The following ITGA8 variants were observed in gnomAD, a reference collection of about 807,000 sequenced individuals.
The protein encoded by ITGA8 is integrin subunit alpha 8, also known as integrin alpha-8.
ITGA8 carries 91 observed loss-of-function variants against 142.3 expected under a neutral mutation model. The observed-to-expected ratio is 0.64, with a 90% CI of 0.54 to 0.76. The LOEUF (loss-of-function observed/expected upper bound fraction) is 0.76. Among genes scored for constraint, ITGA8 ranks in the 30% least tolerant of loss-of-function variants. The probability of loss-of-function intolerance (pLI) is 0.00; values close to 1 mark genes in which losing one functional copy is unlikely to be tolerated. For synonymous variants in ITGA8, 505 were observed against 485.2 expected (o/e 1.04, Z -0.54); for missense variants, 1,406 against 1,327.7 (o/e 1.06, Z -0.92).
At chr10:15,551,560 G>T (rs2131560664) in intron 26 of ITGA8, among the ~76,000 whole-genome samples, 1 of 152,046 alleles carries the variant, frequency 6.6e-6, no homozygotes, top group East Asian at 1.9e-4. Flanking sequence ...AATAGCAGGG[G>T]CCCACTATGA....
chr10:15,719,362 A>G (rs1835514582), intron 1 of ITGA8, among the ~76,000 whole-genome samples: 1 of 152,136 alleles, frequency 6.6e-6, no homozygotes, highest in South Asian at 2.1e-4. Flanking sequence ...TGCAAGTGGC[A>G]TGTCTCTAGC....
chr10:15,695,678 G>A (rs1251105879), intron 2 of ITGA8, among the ~76,000 whole-genome samples: 1 of 152,204 alleles, frequency 6.6e-6, no homozygotes, highest in African/African-American at 2.4e-5. Flanking sequence ...GGCAAGGACT[G>A]AAAGTATGGA....
chr10:15,528,584 A>C (rs1246350202), intron 28 of ITGA8, among the ~76,000 whole-genome samples: 11 of 137,768 alleles, frequency 8.0e-5, no homozygotes, highest in Non-Finnish European at 1.5e-4. Flanking sequence ...TATTTTGTGG[A>C]TCTTTTGAGA....
chr10:15,715,782 C>T (rs563014437), intron 2 of ITGA8, among the ~76,000 whole-genome samples: 5 of 152,348 alleles, frequency 3.3e-5, no homozygotes, highest in Admixed American at 1.3e-4. Flanking sequence ...GAAATAGCTA[C>T]ACTGGCATCT....
chr10:15,692,643 C>T (rs2131714419), intron 2 of ITGA8, among the ~76,000 whole-genome samples: 1 of 152,324 alleles, frequency 6.6e-6, no homozygotes, highest in South Asian at 2.1e-4. Context: ...AACTCAGTAA[C>T]ACATGTCTAC....
intron 25 of ITGA8, among the ~76,000 whole-genome samples, chr10:15,565,206 A>G (rs1834056155): frequency 6.6e-6 from 1 of 152,218 alleles, no homozygotes; most frequent in African/African-American, 2.4e-5. Context: ...TAGCATTCCC[A>G]TAAGAAAGAG....
intron 25 of ITGA8, among the ~76,000 whole-genome samples, chr10:15,559,501 G>A (rs1415859895): frequency 1.3e-5 from 2 of 152,286 alleles, no homozygotes; most frequent in South Asian, 2.1e-4. Context: ...AGCTAAGGCA[G>A]GGAGATCAGA....
chr10:15,517,213 T>G lies in ITGA8; in HGVS notation c.3137A>C (p.Gln1046Pro). 1 of 1,613,486 alleles carries G rather than the reference T, an allele frequency of 6.2e-7. No individual in the cohort carries two copies. The highest frequency in any genetic ancestry group is 8.5e-7 in the Non-Finnish European group (1 of 1,179,568). The change falls in exon 30 of 30, where the codon CAG becomes CCG. Residue 1046 changes from glutamine to proline, a missense_variant. Gln to Pro is a moderately conservative substitution (Grantham distance 76). Coordinates refer to ENST00000378076, the MANE Select transcript of ITGA8 (RefSeq NM_003638.3). ...CGFFDRARPP[Q>P]EDMTDREQLT... ...CTGTTCCCTGTCGGTCATGTCCTCC[T>G]GAGGAGGTCTGGCTCTGTCAAAGAA...
At chr10:15,657,533 A>G (rs1408102530) in intron 10 of ITGA8, among the ~76,000 whole-genome samples, 1 of 30,806 alleles carries the variant, frequency 3.2e-5, no homozygotes, top group Non-Finnish European at 8.5e-5. Flanking sequence ...TTTTTTTTTA[A>G]CAGAGACAGT....
intron 27 of ITGA8, among the ~76,000 whole-genome samples, chr10:15,535,903 G>C (rs557620013): frequency 4.6e-5 from 7 of 152,040 alleles, no homozygotes; most frequent in African/African-American, 1.7e-4. Context: ...CACCTCGAAG[G>C]TCTGCAGCTT....
chr10:15,621,072 T>C (rs538191492), intron 13 of ITGA8, among the ~76,000 whole-genome samples: 1 of 152,344 alleles, frequency 6.6e-6, no homozygotes, highest in South Asian at 2.1e-4. Flanking sequence ...GATACCATTA[T>C]CTATGTTTAC....
At chr10:15,686,010 T>C (rs1834827872) in intron 3 of ITGA8, among the ~76,000 whole-genome samples, 2 of 152,216 alleles carry the variant, frequency 1.3e-5, no homozygotes, top group Non-Finnish European at 2.9e-5. Context: ...GAACCTTCTG[T>C]AAATATTGTA....
chr10:15,579,548 A>G (rs1283774666), intron 23 of ITGA8, among the ~76,000 whole-genome samples: 1 of 152,130 alleles, frequency 6.6e-6, no homozygotes, highest in Non-Finnish European at 1.5e-5. Context: ...AAACTAAGAT[A>G]CACTAAGCTT....
chr10:15,665,992 C>T (rs369784198), intron 8 of ITGA8, among the ~76,000 whole-genome samples: 16 of 152,162 alleles, frequency 1.1e-4, no homozygotes, highest in East Asian at 3.9e-4. Context: ...ATTGACTTGG[C>T]GAAGCCGGCT....
intron 28 of ITGA8, among the ~76,000 whole-genome samples, chr10:15,522,397 G>A (rs1833088541): frequency 6.6e-6 from 1 of 152,118 alleles, no homozygotes; most frequent in Admixed American, 6.5e-5. Flanking sequence ...GCATGAAGTG[G>A]TATTTCAAGA....
intron 29 of ITGA8, among the ~76,000 whole-genome samples, chr10:15,518,636 C>T (rs1482640408): frequency 2.6e-5 from 4 of 152,172 alleles, no homozygotes; most frequent in Admixed American, 2.0e-4. Context: ...GAATGGAAGG[C>T]TCTGTGAAAC....
chr10:15,565,573 A>ATTTTTTTTTTTTTTTTTT lies in ITGA8; in HGVS notation c.2637+6620_2637+6637dup, dbSNP rs71374633. 6.3e-4 allele frequency among the ~76,000 whole-genome samples: 22 copies of ATTTTTTTTTTTTTTTTTT among 34,784 alleles called. 5 individuals are homozygous for ATTTTTTTTTTTTTTTTTT. Among genetic ancestry groups the ATTTTTTTTTTTTTTTTTT allele is most frequent in the Non-Finnish European group, 6.6e-4 (13 of 19,698 alleles). The allele number at this position is 34,784 out of a possible 152,430, so 22.8% of individuals were successfully genotyped here. On this transcript the variant is annotated intron_variant, in intron 25 of 29. Transcript: ENST00000378076. ...ATAATCTTCTTCCTTTCATGTCCTG[A>ATTTTTTTTTTTTTTTTTT]TTTTTTTTTTTTTTTTTTTTTTTTT...
intron 25 of ITGA8, among the ~76,000 whole-genome samples, chr10:15,560,069 G>A (rs1833947831): frequency 6.6e-6 from 1 of 152,042 alleles, no homozygotes; most frequent in African/African-American, 2.4e-5. Flanking sequence ...CTTGACTTGA[G>A]GCCAGGTGTT....
At chr10:15,572,413 G>C (rs1469736423) in intron 24 of ITGA8, 44 bp from the exon 25 acceptor site, 2 of 1,588,814 alleles carry the variant, frequency 1.3e-6, no homozygotes, top group African/African-American at 2.7e-5. Flanking sequence ...GCAGAAGGCA[G>C]AGAGATAAAA....
Sources: gnomAD v4.1 joint callset for allele counts (sites outside exome capture counted in the v4.1 genomes callset) on GRCh38, gnomAD v4.1.1 for gene constraint, MANE v1.5 for transcripts, NCBI Gene and HGNC (gene_info 2026-07-23, HGNC 2026-07-21) for gene names.